THSD7A: variants seen among roughly 807,000 people sequenced by gnomAD.
THSD7A encodes the protein thrombospondin type-1 domain-containing protein 7A.
Under a neutral mutation model 231.3 loss-of-function variants are expected in THSD7A, and 96 were observed. The observed-to-expected ratio is 0.41, with a 90% CI of 0.35 to 0.49. The LOEUF (loss-of-function observed/expected upper bound fraction) is 0.49. Ranked by LOEUF, THSD7A falls within the 20% of genes least tolerant of loss-of-function variation. The pLI is 0.05. For missense variants in THSD7A, 2,290 were observed against 2,070.2 expected, an observed-to-expected ratio of 1.11 and a Z score of -2.06; for synonymous variants, 940 against 743.3, an observed-to-expected ratio of 1.26 and a Z score of -4.30.
chr7:11,549,929 C>G (rs958979466), intron 4 of THSD7A, among the ~76,000 whole-genome samples: 1 of 151,946 alleles, frequency 6.6e-6, no homozygotes, highest in Non-Finnish European at 1.5e-5. Context: ...TTAAAACAAA[C>G]AAATGAATGC....
intron 1 of THSD7A, among the ~76,000 whole-genome samples, chr7:11,753,241 T>C (rs752002728): frequency 2.6e-5 from 4 of 152,104 alleles, no homozygotes; most frequent in Admixed American, 1.3e-4. Flanking sequence ...TGTTTTCCAC[T>C]GAATGTGATG....
chr7:11,555,433 G>A (rs530319693), intron 4 of THSD7A, among the ~76,000 whole-genome samples: 1 of 151,918 alleles, frequency 6.6e-6, no homozygotes, highest in South Asian at 2.1e-4. Context: ...TGTGCTCAGA[G>A]AACACTCTAT....
At chr7:11,534,719 C>G (rs561442394) in intron 6 of THSD7A, among the ~76,000 whole-genome samples, 1 of 152,096 alleles carries the variant, frequency 6.6e-6, no homozygotes, top group South Asian at 2.1e-4. Flanking sequence ...CAATATTTTA[C>G]AGAGAAGGTG....
At chr7:11,671,456 C>T (rs1783389680) in intron 1 of THSD7A, among the ~76,000 whole-genome samples, 1 of 152,118 alleles carries the variant, frequency 6.6e-6, no homozygotes, top group Non-Finnish European at 1.5e-5. Flanking sequence ...ATATGTAAGA[C>T]ATTCCTCTTG....
chr7:11,652,388 T>C (rs762457277), intron 1 of THSD7A, among the ~76,000 whole-genome samples: 1 of 152,014 alleles, frequency 6.6e-6, no homozygotes, highest in Non-Finnish European at 1.5e-5. Flanking sequence ...AACGCATGAC[T>C]TATTTACAAG....
At chr7:11,554,318 C>G (rs761778834) in intron 4 of THSD7A, among the ~76,000 whole-genome samples, 1 of 151,966 alleles carries the variant, frequency 6.6e-6, no homozygotes, top group Non-Finnish European at 1.5e-5. Context: ...CCATGCTTAA[C>G]GAAGACAGAG....
At chr7:11,475,380 C>T (rs1323055325) in intron 7 of THSD7A, among the ~76,000 whole-genome samples, 1 of 151,914 alleles carries the variant, frequency 6.6e-6, no homozygotes, top group African/African-American at 2.4e-5. Flanking sequence ...GGCAGCACAG[C>T]CCCACCTCCC....
chr7:11,567,304 G>C (rs1039985111), intron 4 of THSD7A, among the ~76,000 whole-genome samples: 1 of 152,028 alleles, frequency 6.6e-6, no homozygotes, highest in Non-Finnish European at 1.5e-5. Context: ...CAGAGTAAAG[G>C]GGGAAGAGCC....
At chr7:11,820,577 A>G in intron 1 of THSD7A, 2 of 719,638 alleles carry the variant, frequency 2.8e-6, no homozygotes, top group Non-Finnish European at 4.9e-6. Context: ...TATTGTTCCC[A>G]GAGTAGTTGC....
intron 1 of THSD7A, among the ~76,000 whole-genome samples, chr7:11,790,932 C>T (rs1468939138): frequency 6.6e-6 from 1 of 151,806 alleles, no homozygotes; most frequent in African/African-American, 2.4e-5. Flanking sequence ...CTTCATTATT[C>T]TTTAAAGAAC....
At chr7:11,487,965 A>G (rs546351302) in intron 6 of THSD7A, among the ~76,000 whole-genome samples, 1 of 152,170 alleles carries the variant, frequency 6.6e-6, no homozygotes, top group Non-Finnish European at 1.5e-5. Context: ...TGCAACTTTT[A>G]TGGTTGATTT....
At chr7:11,812,585 C>T (rs1451575395) in intron 1 of THSD7A, among the ~76,000 whole-genome samples, 1 of 152,202 alleles carries the variant, frequency 6.6e-6, no homozygotes, top group Admixed American at 6.5e-5. Context: ...TTTCAAAACA[C>T]GTCTGTAATC....
chr7:11,828,450 A>G (rs1785092869), intron 1 of THSD7A, among the ~76,000 whole-genome samples: 1 of 152,088 alleles, frequency 6.6e-6, no homozygotes, highest in East Asian at 1.9e-4. Context: ...GCGACCCTTC[A>G]CACCTCCTTT....
At chr7:11,523,499 T>C (rs1045505266) in intron 6 of THSD7A, among the ~76,000 whole-genome samples, 2 of 152,014 alleles carry the variant, frequency 1.3e-5, no homozygotes, top group African/African-American at 4.8e-5. Flanking sequence ...AAGTTGTTAA[T>C]TTTCCTAAAT....
At chr7:11,665,440 T>A (rs573227524) in intron 1 of THSD7A, among the ~76,000 whole-genome samples, 1 of 152,138 alleles carries the variant, frequency 6.6e-6, no homozygotes, top group South Asian at 2.1e-4. Context: ...TGACTTGGGT[T>A]TTTATTGTGT....
intron 6 of THSD7A, among the ~76,000 whole-genome samples, chr7:11,503,592 G>A (rs1787426592): frequency 6.9e-6 from 1 of 144,560 alleles, no homozygotes; most frequent in South Asian, 2.5e-4. Flanking sequence ...CATCTATAAC[G>A]AACTTAAACA....
chr7:11,821,517 C>T (rs186816488), intron 1 of THSD7A, among the ~76,000 whole-genome samples: 20 of 151,446 alleles, frequency 1.3e-4, no homozygotes, highest in African/African-American at 3.4e-4. Flanking sequence ...AAGTGTTCAC[C>T]TCAAAAGAAA....
intron 9 of THSD7A, among the ~76,000 whole-genome samples, chr7:11,466,723 G>T (rs1291509594): frequency 6.6e-6 from 1 of 152,048 alleles, no homozygotes; most frequent in Non-Finnish European, 1.5e-5. Context: ...GGGAAACACT[G>T]CTCTGCCGCT....
chr7:11,443,816 C>A (rs915190096), intron 13 of THSD7A, among the ~76,000 whole-genome samples: 4 of 151,966 alleles, frequency 2.6e-5, no homozygotes, highest in African/African-American at 9.7e-5. Context: ...ATCAGGATAA[C>A]TGAGATGACC....
Sources: gnomAD v4.1 joint callset for allele counts (sites outside exome capture counted in the v4.1 genomes callset) on GRCh38, gnomAD v4.1.1 for gene constraint, MANE v1.5 for transcripts, NCBI Gene and HGNC (gene_info 2026-07-23, HGNC 2026-07-21) for gene names.